The following MFSD12 variants were observed in gnomAD, a reference collection of about 807,000 sequenced individuals.
MFSD12 encodes major facilitator superfamily domain-containing protein 12.
In MFSD12, 67 loss-of-function variants were observed where a neutral mutation model predicts 51.2. The ratio of observed to expected loss-of-function variants is 1.31; its 90% confidence interval spans 1.08 to 1.60. The LOEUF (loss-of-function observed/expected upper bound fraction) is 1.60, where lower values mean the gene tolerates loss of function less well. Ranked by LOEUF, MFSD12 falls within the 40% of genes most tolerant of loss-of-function variation. The pLI, the probability that MFSD12 is intolerant of heterozygous loss-of-function variation, is 0.00. For synonymous variants in MFSD12, 441 were observed against 316.7 expected, an observed-to-expected ratio of 1.39 and a Z score of -4.17; for missense variants, 921 against 673.0, an observed-to-expected ratio of 1.37 and a Z score of -4.08.
At chr19:3,543,525 G>GCTTTTTT (rs2030632307), downstream of MFSD12, 1 of 1,506,094 alleles carries the variant, frequency 6.6e-7, no homozygotes, top group Non-Finnish European at 8.9e-7. Flanking sequence ...AGGGGGACAG[G>GCTTTTTT]AATGACCGCC....
intron 1 of MFSD12, among the ~76,000 whole-genome samples, chr19:3,552,170 ATT>A (rs1191138332): frequency 1.2e-4 from 17 of 136,152 alleles, no homozygotes; most frequent in Admixed American, 2.2e-4. Flanking sequence ...TTCAATATCT[ATT>A]TTTTTTTTTT....
Position 3,548,166 on chromosome 19 carries a change from CTGA to C in MFSD12, c.608_610del (p.Ile203del). ...CTGGCCCCCCAGCTGGTCGCTGATGCTGATGTCTTGGGTGGGCTCCACCCGCGA... is the reference window on the plus strand; with the variant it reads ...CTGGCCCCCCAGCTGGTCGCTGATGCTGTCTTGGGTGGGCTCCACCCGCGA... On this transcript the variant is annotated inframe_deletion, in exon 3 of 10. Coordinates refer to ENST00000355415, the MANE Select transcript of MFSD12 (RefSeq NM_174983.5). The C allele has an allele frequency of 1.9e-6, 3 of 1,601,118 alleles. No homozygotes were observed. Among genetic ancestry groups the C allele is most frequent in the African/African-American group, 2.7e-5 (2 of 74,786 alleles).
chr19:3,544,008 T>A (rs1470350932), downstream of MFSD12: 4 of 1,536,572 alleles, frequency 2.6e-6, no homozygotes, highest in Non-Finnish European at 3.5e-6. Context: ...CACTCCCCGA[T>A]AAAGGCATGC....
chr19:3,546,574 C>T, intron 6 of MFSD12, 149 bp from the exon 7 acceptor site: 1 of 936,586 alleles, frequency 1.1e-6, no homozygotes, highest in East Asian at 2.7e-5. Flanking sequence ...GGACACAACA[C>T]CGAGGCTCTG....
rs1399820411 is a variant in MFSD12 at position 3,548,298 on chromosome 19, G to A, written c.510-31C>T. The A allele has an allele frequency of 2.6e-6, 4 of 1,543,462 alleles. No individual in the cohort carries two copies. The South Asian group carries it at 4.8e-5, about 18-fold the overall frequency. On this transcript the variant is annotated intron_variant, in intron 2 of 9. Coordinates refer to ENST00000355415, the MANE Select transcript of MFSD12 (RefSeq NM_174983.5). ...GGGCAGGCGGGCAGGGACTCAACAA[G>A]ACGCCAGGAACCTGGGTCACTTCCT... is the stretch of plus-strand genomic sequence containing the variant.
rs566340887 is a variant in MFSD12, at chr19:3,551,337, G to T, written c.299-143C>A. ...TGCACACAGTCACGCAGGAGCGAGGGTCTGCAGTCGGGGTCCCCCAGGCTT... is the reference window on the plus strand; with the variant it reads ...TGCACACAGTCACGCAGGAGCGAGGTTCTGCAGTCGGGGTCCCCCAGGCTT... On this transcript the variant is annotated intron_variant, in intron 1 of 9. Transcript: ENST00000355415. The surrounding 1 kb of genome is among the most constrained non-coding windows in gnomAD (Gnocchi z 4.6). The T allele has an allele frequency of 1.1e-4, 71 of 663,306 alleles. 3 individuals are homozygous for T. Among genetic ancestry groups the T allele is most frequent in the African/African-American group, 9.8e-4 (54 of 55,014 alleles). 41.1% of individuals were successfully genotyped at this position (663,306 alleles called of 1,614,324 possible).
chr19:3,542,619 G>GC (rs896454686), downstream of MFSD12: 4 of 752,702 alleles, frequency 5.3e-6, no homozygotes, highest in African/African-American at 5.7e-5. Context: ...GATTACAGGT[G>GC]CCCCCCGCCC....
chr19:3,542,469 G>T, downstream of MFSD12: 1 of 985,164 alleles, frequency 1.0e-6, no homozygotes, highest in East Asian at 1.1e-4. Flanking sequence ...AAACATCTTT[G>T]AGTCTCTTGT....
downstream of MFSD12, chr19:3,543,843 C>T (rs539296624): frequency 1.7e-5 from 26 of 1,536,200 alleles, no homozygotes; most frequent in African/African-American, 9.6e-5. Context: ...CAACAGGAAC[C>T]GGTACGGGGT....
Position 3,544,985 on chromosome 19 carries a change from C to A in MFSD12, c.1290-46G>T, listed in dbSNP as rs760282586. 25 of 1,550,034 alleles carry A rather than the reference C, an allele frequency of 1.6e-5. No individual in the cohort carries two copies. In the Admixed American group the frequency reaches 1.9e-4, roughly 12 times the overall value. Reference sequence around the variant, plus strand: ...TGAGTAGGCACCGCGGGTACCACCCCCCCGCCACCCAAGCTGAACCTGTGC... The same window carrying A: ...TGAGTAGGCACCGCGGGTACCACCCACCCGCCACCCAAGCTGAACCTGTGC... On this transcript the variant is annotated intron_variant, in intron 8 of 9. Coordinates refer to ENST00000355415, the MANE Select transcript of MFSD12 (RefSeq NM_174983.5).
In MFSD12 at chr19:3,544,379, A is replaced by G; in HGVS notation, c.*331T>C. On this transcript the variant is annotated 3_prime_UTR_variant, in exon 10 of 10. Coordinates refer to ENST00000355415, the MANE Select transcript of MFSD12 (RefSeq NM_174983.5). ...CCCCCAGGCTGGAGGTGAGGGGTGAACTGGACTGAGCTCAGGGTTAGGGTT... is the reference window on the plus strand; with the variant it reads ...CCCCCAGGCTGGAGGTGAGGGGTGAGCTGGACTGAGCTCAGGGTTAGGGTT... 7.8e-7 allele frequency: 1 copy of G among 1,283,172 alleles called. No homozygotes were observed. The highest frequency in any genetic ancestry group is 9.9e-7 in the Non-Finnish European group (1 of 1,014,534). 79.5% of individuals were successfully genotyped at this position (1,283,172 alleles called of 1,614,324 possible).
downstream of MFSD12, chr19:3,543,487 C>A (rs748600485): frequency 2.1e-5 from 32 of 1,519,436 alleles, no homozygotes; most frequent in Admixed American, 1.4e-4. Context: ...AGTGCCCCCC[C>A]CCCCGCCCTG....
Position 3,551,171 on chromosome 19 carries a change from A to G in MFSD12, c.322T>C (p.Phe108Leu). 1.9e-6 allele frequency: 3 copies of G among 1,610,604 alleles called. No individual in the cohort carries two copies. The highest frequency in any genetic ancestry group is 2.5e-6 in the Non-Finnish European group (3 of 1,178,994). The change falls in exon 2 of 10, where the codon TTC (phenylalanine) becomes CTC (leucine). Residue 108 changes from phenylalanine to leucine, a missense_variant. Transcript: ENST00000355415. This position sits in a 1 kb window ranked among gnomAD's most constrained non-coding sequence, Gnocchi z 4.6. The stretch of plus-strand genomic sequence containing the variant: ...AGGCAGGGGCTGAAGATGAAGGGGA[A>G]GGACAGCAGGACGCAGACGGTGCCT... Reference protein sequence around the residue: ...LVGTVCVLLSFPFIFSPCLGC... With the variant: ...LVGTVCVLLSLPFIFSPCLGC...
rs1472473190 is a variant in MFSD12, at chr19:3,546,126, T to C, written c.1237A>G (p.Lys413Glu). ...ATGACTGCCAGCCCATTGGCCACCT[T>C]ATCCAAGAAGCTCATGGAGCCGTAC... ...FVYGSMSFLD[K>E]VANGLAVMAI... is the part of the protein sequence containing the mutation. The change falls in exon 8 of 10, where the codon AAG (lysine) becomes GAG (glutamate). Residue 413 changes from lysine (K) to glutamate (E), a missense_variant. Physicochemically the swap from Lys to Glu is moderately conservative, Grantham distance 56 (BLOSUM62 1). Transcript: ENST00000355415. 1 of 1,613,332 alleles carries C rather than the reference T, an allele frequency of 6.2e-7. No homozygotes were observed. Among genetic ancestry groups the C allele is most frequent in the African/African-American group, 1.3e-5 (1 of 75,056 alleles).
chr19:3,544,800 A>T lies in MFSD12; in HGVS notation c.1420+9T>A. ...GTGTCTGGGGAGGGAGGGGTGGGCC[A>T]GGACTCACAGCGTCGCAGGCGGGTC... On this transcript the variant is annotated intron_variant, in intron 9 of 9. Transcript: ENST00000355415. The T allele has an allele frequency of 6.2e-7, 1 of 1,611,566 alleles. No homozygotes were observed.
chr19:3,557,079 G>A (rs769104547), intron 1 of MFSD12, 27 bp downstream of exon 1: 28 of 1,428,072 alleles, frequency 2.0e-5, no homozygotes, highest in Non-Finnish European at 2.4e-5. Context: ...GGGGCTGCCC[G>A]ACAGGTGGCG....
chr19:3,556,600 G>A (rs1476350722), intron 1 of MFSD12, among the ~76,000 whole-genome samples: 1 of 151,370 alleles, frequency 6.6e-6, no homozygotes, highest in Non-Finnish European at 1.5e-5. Context: ...GACGGGGGAG[G>A]CTCAGGCCAT....
chr19:3,540,882 A>G (rs2030339589), downstream of MFSD12, among the ~76,000 whole-genome samples: 3 of 133,434 alleles, frequency 2.2e-5, no homozygotes, highest in Admixed American at 2.3e-4. Context: ...AAAAAAAAAA[A>G]AAAAAAATCC....
exon 5 of MFSD12, chr19:3,538,382 T>G: frequency 4.0e-6 from 1 of 249,492 alleles, no homozygotes; most frequent in Non-Finnish European, 8.1e-6. Context: ...CCCATCTGAT[T>G]CCAGAACATT....
Sources: allele counts gnomAD v4.1 joint callset (sites outside exome capture counted in the v4.1 genomes callset), GRCh38; gene constraint gnomAD v4.1.1; non-coding constraint Gnocchi (gnomAD v3.1); transcripts MANE v1.5; gene names NCBI Gene and HGNC (gene_info 2026-07-23, HGNC 2026-07-21).